NCAM2: variants seen among roughly 807,000 people sequenced by gnomAD.
NCAM2 encodes neural cell adhesion molecule 2, also known as N-CAM-2.
In NCAM2, 30 loss-of-function variants were observed where a neutral mutation model predicts 98.1. The observed-to-expected ratio is 0.31, with a 90% CI of 0.23 to 0.41. The LOEUF is 0.41. NCAM2 is among the 10% of genes least tolerant of loss of function. The pLI, the probability that NCAM2 is intolerant of heterozygous loss-of-function variation, is 1.00. For missense variants in NCAM2, 867 were observed against 1,005.8 expected (o/e 0.86, Z 1.87); for synonymous variants, 368 against 342.4 (o/e 1.07, Z -0.83).
intron 12 of NCAM2, among the ~76,000 whole-genome samples, chr21:21,455,811 A>T (rs2146164351): frequency 6.6e-6 from 1 of 152,156 alleles, no homozygotes; most frequent in Admixed American, 6.5e-5. Flanking sequence ...AATGTTTCCA[A>T]ATATCTAGAG....
chr21:21,291,158 A>T (rs1348985256), intron 4 of NCAM2, among the ~76,000 whole-genome samples: 1 of 151,908 alleles, frequency 6.6e-6, no homozygotes, highest in Non-Finnish European at 1.5e-5. Context: ...TCTCTTATTC[A>T]TCAAAGTGTC....
intron 6 of NCAM2, among the ~76,000 whole-genome samples, chr21:21,326,478 C>T (rs116749892): frequency 2.0e-5 from 3 of 152,256 alleles, no homozygotes; most frequent in East Asian, 3.9e-4. Flanking sequence ...AATTACTTCT[C>T]ACCAGAATAC....
chr21:21,256,715 A>G (rs2147319240), intron 1 of NCAM2, among the ~76,000 whole-genome samples: 1 of 152,358 alleles, frequency 6.6e-6, no homozygotes, highest in Admixed American at 6.5e-5. Flanking sequence ...TATTTTACAT[A>G]TATTATAGTT....
At chr21:21,029,216 C>T (rs1373828367) in intron 1 of NCAM2, among the ~76,000 whole-genome samples, 1 of 152,114 alleles carries the variant, frequency 6.6e-6, no homozygotes, top group Admixed American at 6.5e-5. Flanking sequence ...GTTTGACTTC[C>T]TACATTGTCC....
chr21:21,004,355 A>G (rs1224486700), intron 1 of NCAM2, among the ~76,000 whole-genome samples: 3 of 152,188 alleles, frequency 2.0e-5, no homozygotes, highest in Non-Finnish European at 4.4e-5. Flanking sequence ...GTCAAGAGAC[A>G]ATTAGCTTTG....
At chr21:21,047,079 C>T (rs1424004390) in intron 1 of NCAM2, among the ~76,000 whole-genome samples, 2 of 276 alleles carry the variant, frequency 7.2e-3, no homozygotes, top group Non-Finnish European at 0.014. Context: ...TGTGACATCA[C>T]TTGTGTTGTG....
intron 1 of NCAM2, among the ~76,000 whole-genome samples, chr21:21,152,447 T>C (rs1224924916): frequency 1.3e-5 from 2 of 152,018 alleles, no homozygotes; most frequent in African/African-American, 4.8e-5. Flanking sequence ...TTTTTTGTTA[T>C]ATGTTGGTCG....
At chr21:21,315,487 A>G (rs2074194240) in intron 5 of NCAM2, among the ~76,000 whole-genome samples, 1 of 152,186 alleles carries the variant, frequency 6.6e-6, no homozygotes, top group Non-Finnish European at 1.5e-5. Context: ...GATGAGATTA[A>G]TGAGGAGGAT....
At chr21:21,504,513 G>C (rs1443123466) in intron 15 of NCAM2, among the ~76,000 whole-genome samples, 1 of 151,762 alleles carries the variant, frequency 6.6e-6, no homozygotes, top group Non-Finnish European at 1.5e-5. Flanking sequence ...CATTAGTAGT[G>C]CCCGAATCTT....
intron 1 of NCAM2, among the ~76,000 whole-genome samples, chr21:21,020,797 TC>T (rs2064418009): frequency 6.6e-6 from 1 of 152,176 alleles, no homozygotes; most frequent in African/African-American, 2.4e-5. Flanking sequence ...TTAAATATCT[TC>T]CACATTATAG....
At chr21:21,228,347 G>A (rs1172527591) in intron 1 of NCAM2, among the ~76,000 whole-genome samples, 1 of 151,360 alleles carries the variant, frequency 6.6e-6, no homozygotes, top group African/African-American at 2.4e-5. Context: ...TGATACATTA[G>A]CAATTTTCTG....
intron 1 of NCAM2, among the ~76,000 whole-genome samples, chr21:21,242,091 G>A (rs1258577913): frequency 6.6e-6 from 1 of 152,044 alleles, no homozygotes; most frequent in African/African-American, 2.4e-5. Context: ...TACATTAAGT[G>A]GTGAAATACA....
At chr21:21,499,873 A>G (rs1415852616) in intron 15 of NCAM2, among the ~76,000 whole-genome samples, 1 of 152,196 alleles carries the variant, frequency 6.6e-6, no homozygotes, top group Non-Finnish European at 1.5e-5. Context: ...ATTGTATTAT[A>G]TGGACCACAA....
At chr21:21,432,330 G>A (rs377569582) in intron 12 of NCAM2, 49 bp downstream of exon 12, 15 of 1,537,328 alleles carry the variant, frequency 9.8e-6, no homozygotes, top group Admixed American at 5.3e-5. Context: ...CTGATCTTCA[G>A]TATACCTGTA....
At chr21:21,427,352 C>T (rs985345661) in intron 11 of NCAM2, among the ~76,000 whole-genome samples, 7 of 152,044 alleles carry the variant, frequency 4.6e-5, no homozygotes, top group African/African-American at 7.2e-5. Flanking sequence ...AAGGAAAAGA[C>T]ATGTCATTCA....
At chr21:21,198,863 T>G (rs2069106213) in intron 1 of NCAM2, among the ~76,000 whole-genome samples, 3 of 152,074 alleles carry the variant, frequency 2.0e-5, no homozygotes, top group Admixed American at 1.3e-4. Flanking sequence ...CAAGAGAGTT[T>G]TTACCAGTGT....
Position 21,070,522 on chromosome 21 carries a change from G to A in NCAM2, c.55+71904G>A, listed in dbSNP as rs74672961. Among the ~76,000 whole-genome samples the A allele has an allele frequency of 1.2e-4, 19 of 152,056 alleles. No individual in the cohort carries two copies. In the East Asian group the frequency reaches 3.7e-3, roughly 29 times the overall value. On this transcript the variant is annotated intron_variant, in intron 1 of 17. Coordinates refer to ENST00000400546, the MANE Select transcript of NCAM2 (RefSeq NM_004540.5). ...CAGAGGAAGAGGGGGGTGAAATGAA[G>A]GCAAGAAAGTAAGGAAAACATGAGT...
intron 1 of NCAM2, among the ~76,000 whole-genome samples, chr21:21,212,822 G>A (rs1476327127): frequency 2.7e-5 from 4 of 148,468 alleles, no homozygotes; most frequent in Non-Finnish European, 5.9e-5. Flanking sequence ...GGCTCACTGC[G>A]AGCACCGCCT....
chr21:21,258,791 ACTCT>A lies in NCAM2; in HGVS notation c.56-21782_56-21779del, dbSNP rs977901069. Among the ~76,000 whole-genome samples, 6 of 151,312 alleles carry A rather than the reference ACTCT, an allele frequency of 4.0e-5. 1 individual carries two copies. Among genetic ancestry groups the A allele is most frequent in the Admixed American group, 4.0e-4 (6 of 15,188 alleles). On this transcript the variant is annotated intron_variant, in intron 1 of 17. Transcript: ENST00000400546. Reference sequence around the variant, plus strand: ...ATTCTCCCACAAACATACCCACATGACTCTCTCTGACTTTGGCAAGCACAGGCCA... The same window carrying A: ...ATTCTCCCACAAACATACCCACATGACTCTGACTTTGGCAAGCACAGGCCA...
Sources: gnomAD v4.1 joint callset for allele counts (sites outside exome capture counted in the v4.1 genomes callset) on GRCh38, gnomAD v4.1.1 for gene constraint, MANE v1.5 for transcripts, NCBI Gene and HGNC (gene_info 2026-07-23, HGNC 2026-07-21) for gene names.